Variants in NEGR1 observed in about 807,000 individuals in gnomAD.
NEGR1 encodes the protein IgLON family member 4.
NEGR1 carries 10 observed loss-of-function variants against 40.9 expected under a neutral mutation model. The observed-to-expected ratio is 0.24, with a 90% CI of 0.15 to 0.42. NEGR1 has a LOEUF of 0.42. Ranked by LOEUF, NEGR1 falls within the 10% of genes least tolerant of loss-of-function variation. The pLI, the probability that NEGR1 is intolerant of heterozygous loss-of-function variation, is 1.00. For missense variants in NEGR1, 352 were observed against 438.9 expected, an observed-to-expected ratio of 0.80 and a Z score of 1.77; for synonymous variants, 185 against 166.8, an observed-to-expected ratio of 1.11 and a Z score of -0.84.
intron 2 of NEGR1, among the ~76,000 whole-genome samples, chr1:71,884,638 C>A (rs1202598954): frequency 6.6e-6 from 1 of 152,062 alleles, no homozygotes; most frequent in Admixed American, 6.6e-5. Flanking sequence ...ATACCAAAAC[C>A]TGTATTTGGC....
chr1:71,749,980 G>T (rs1369742710), intron 3 of NEGR1, among the ~76,000 whole-genome samples: 1 of 147,336 alleles, frequency 6.8e-6, no homozygotes, highest in Admixed American at 6.8e-5. Context: ...GAAATGGTTT[G>T]CTCCTTTCTT....
At chr1:71,913,726 A>G (rs1661487636) in intron 2 of NEGR1, among the ~76,000 whole-genome samples, 2 of 152,196 alleles carry the variant, frequency 1.3e-5, no homozygotes, top group Non-Finnish European at 1.5e-5. Flanking sequence ...TTTTATAACA[A>G]AAGAATGGAT....
intron 2 of NEGR1, among the ~76,000 whole-genome samples, chr1:71,929,736 T>A (rs1228921460): frequency 1.3e-5 from 2 of 152,136 alleles, no homozygotes; most frequent in Non-Finnish European, 2.9e-5. Context: ...ATTACTGTTT[T>A]TTTTTTTTTC....
At chr1:71,840,583 C>T (rs1245231580) in intron 2 of NEGR1, among the ~76,000 whole-genome samples, 1 of 152,018 alleles carries the variant, frequency 6.6e-6, no homozygotes. Flanking sequence ...AAAATGTAGA[C>T]TTCACTCTAC....
chr1:72,239,547 A>G (rs185945186), intron 1 of NEGR1, among the ~76,000 whole-genome samples: 2 of 47,824 alleles, frequency 4.2e-5, no homozygotes, highest in African/African-American at 1.7e-4. Flanking sequence ...TAGTGACATA[A>G]TATTCTGAAA....
intron 6 of NEGR1, among the ~76,000 whole-genome samples, chr1:71,418,030 G>C (rs1026498221): frequency 6.7e-6 from 1 of 150,294 alleles, no homozygotes. Context: ...CATGCTCAGT[G>C]ATCACCTGCT....
At chr1:72,257,110 CAGG>C (rs1182684984) in intron 1 of NEGR1, among the ~76,000 whole-genome samples, 1 of 151,908 alleles carries the variant, frequency 6.6e-6, no homozygotes, top group Non-Finnish European at 1.5e-5. Context: ...ATCACGAGGT[CAGG>C]AGATTGAGAC....
chr1:71,669,404 T>C (rs1235329018), intron 4 of NEGR1, among the ~76,000 whole-genome samples: 1 of 152,110 alleles, frequency 6.6e-6, no homozygotes, highest in Non-Finnish European at 1.5e-5. Flanking sequence ...GTGTTCCATT[T>C]TCTCTTCTTT....
At chr1:72,260,292 A>G (rs1407801652) in intron 1 of NEGR1, among the ~76,000 whole-genome samples, 3 of 152,072 alleles carry the variant, frequency 2.0e-5, no homozygotes, top group Non-Finnish European at 4.4e-5. Flanking sequence ...TTCAGCCAAA[A>G]TCAGGATTTT....
At chr1:71,718,714 C>G (rs1236859236) in intron 3 of NEGR1, among the ~76,000 whole-genome samples, 3 of 152,054 alleles carry the variant, frequency 2.0e-5, no homozygotes, top group African/African-American at 4.8e-5. Context: ...AAAAGCCTGC[C>G]ATTTTTTTAA....
chr1:72,076,488 C>T (rs901046020), intron 1 of NEGR1, among the ~76,000 whole-genome samples: 4 of 151,920 alleles, frequency 2.6e-5, no homozygotes, highest in Admixed American at 1.3e-4. Context: ...CAGAGTACAA[C>T]AGAAACATTC....
At chr1:71,835,286 G>T (rs2101795918) in intron 2 of NEGR1, among the ~76,000 whole-genome samples, 1 of 152,212 alleles carries the variant, frequency 6.6e-6, no homozygotes, top group South Asian at 2.1e-4. Context: ...GGGCAGCCAA[G>T]ATTTGCAGAA....
intron 4 of NEGR1, among the ~76,000 whole-genome samples, chr1:71,667,199 G>T (rs1253238997): frequency 6.6e-6 from 1 of 152,168 alleles, no homozygotes; most frequent in African/African-American, 2.4e-5. Flanking sequence ...GTAGGTGTAA[G>T]GTTAGAAACA....
At chr1:71,792,538 T>G (rs1432199298) in intron 2 of NEGR1, among the ~76,000 whole-genome samples, 1 of 152,188 alleles carries the variant, frequency 6.6e-6, no homozygotes, top group Non-Finnish European at 1.5e-5. Context: ...GATGACCACC[T>G]GCCTTTCCAA....
intron 1 of NEGR1, among the ~76,000 whole-genome samples, chr1:72,242,804 G>A (rs1181173318): frequency 6.6e-6 from 1 of 151,564 alleles, no homozygotes; most frequent in Non-Finnish European, 1.5e-5. Context: ...ATTATGCAAA[G>A]TCACTAATTA....
intron 4 of NEGR1, among the ~76,000 whole-genome samples, chr1:71,673,437 A>T (rs1048068688): frequency 7.7e-4 from 3 of 3,902 alleles, no homozygotes; most frequent in Non-Finnish European, 3.0e-3. Flanking sequence ...ATACACAGTA[A>T]ATTTTAATAC....
intron 6 of NEGR1, among the ~76,000 whole-genome samples, chr1:71,465,714 GTAAACTGAAATTATATAATAAA>G (rs1394814473): frequency 6.6e-6 from 1 of 151,968 alleles, no homozygotes; most frequent in African/African-American, 2.4e-5. Flanking sequence ...CACTTGGTGA[GTAAACTGAAATTATATAATAAA>G]TAGAATATGC....
At chr1:72,231,495 T>C (rs11209938) in intron 1 of NEGR1, among the ~76,000 whole-genome samples, 31,416 of 152,130 alleles carry the variant, frequency 0.21, 3,748 homozygotes, top group South Asian at 0.28. Context: ...GAATATTAGA[T>C]AAGTTAATGT....
chr1:72,226,935 T>C (rs1455245046), intron 1 of NEGR1, among the ~76,000 whole-genome samples: 1 of 152,066 alleles, frequency 6.6e-6, no homozygotes, highest in Non-Finnish European at 1.5e-5. Context: ...CCATTCCATT[T>C]TCACAGCATA....
Sources: allele counts gnomAD v4.1 joint callset (sites outside exome capture counted in the v4.1 genomes callset), GRCh38; gene constraint gnomAD v4.1.1; transcripts MANE v1.5; gene names NCBI Gene and HGNC (gene_info 2026-07-23, HGNC 2026-07-21).